ASXL2: variants seen among roughly 807,000 people sequenced by gnomAD.
The protein encoded by ASXL2 is putative Polycomb group protein ASXL2.
ASXL2 carries 23 observed loss-of-function variants against 122.0 expected under a neutral mutation model. The observed-to-expected ratio is 0.19, with a 90% CI of 0.14 to 0.27. The LOEUF (loss-of-function observed/expected upper bound fraction) is 0.27. ASXL2 is among the 10% of genes least tolerant of loss of function. The pLI, the probability that ASXL2 is intolerant of heterozygous loss-of-function variation, is 1.00. For synonymous variants in ASXL2, 650 were observed against 637.0 expected (o/e 1.02, Z -0.31); for missense variants, 1,518 against 1,713.8 (o/e 0.89, Z 2.02).
chr2:25,788,137 G>A (rs2088777497), intron 5 of ASXL2, among the ~76,000 whole-genome samples: 2 of 152,134 alleles, frequency 1.3e-5, no homozygotes, highest in Admixed American at 1.3e-4. Flanking sequence ...TCAAAAAAGG[G>A]TGCTAGGTAA....
At chr2:25,845,861 A>C (rs528066262) in intron 1 of ASXL2, among the ~76,000 whole-genome samples, 125 of 152,348 alleles carry the variant, frequency 8.2e-4, no homozygotes, top group Middle Eastern at 3.4e-3. Flanking sequence ...TAATAAAATT[A>C]AAGTAATATC....
chr2:25,841,658 C>T (rs2089580332), intron 2 of ASXL2, among the ~76,000 whole-genome samples: 1 of 151,938 alleles, frequency 6.6e-6, no homozygotes, highest in African/African-American at 2.4e-5. Flanking sequence ...ACCAGCCTGG[C>T]CAACTTGGTG....
chr2:25,744,096 A>C lies in ASXL2; in HGVS notation c.2241T>G (p.Gly747=). The change falls in exon 13 of 13, where the codon GGT becomes GGG. Residue 747 remains glycine, a synonymous_variant. Coordinates refer to ENST00000435504, the MANE Select transcript of ASXL2 (RefSeq NM_018263.6). The surrounding 1 kb of genome is among the most constrained non-coding windows in gnomAD (Gnocchi z 4.7). ...RGGTRELLPC[G]PETQPQSETK... ...TCTCAGACTGGGGCTGAGTCTCTGG[A>C]CCACAGGGTAAAAGCTCTCTCGTAC... The C allele has an allele frequency of 6.2e-7, 1 of 1,613,888 alleles. No individual in the cohort carries two copies. Among genetic ancestry groups the C allele is most frequent in the Non-Finnish European group, 8.5e-7 (1 of 1,179,836 alleles).
intron 4 of ASXL2, among the ~76,000 whole-genome samples, chr2:25,801,705 AC>A (rs1200861682): frequency 2.6e-5 from 4 of 151,940 alleles, no homozygotes; most frequent in African/African-American, 9.7e-5. Flanking sequence ...CCTTTTACCC[AC>A]TCCAAATGCT....
At chr2:25,793,051 G>C (rs1368575663) in intron 5 of ASXL2, among the ~76,000 whole-genome samples, 4 of 151,822 alleles carry the variant, frequency 2.6e-5, no homozygotes, top group Non-Finnish European at 5.9e-5. Flanking sequence ...CCAGGAGTTT[G>C]AGACCAGCCT....
At chr2:25,866,415 A>G (rs1384619766) in intron 1 of ASXL2, among the ~76,000 whole-genome samples, 1 of 152,236 alleles carries the variant, frequency 6.6e-6, no homozygotes, top group East Asian at 1.9e-4. Flanking sequence ...GGCATGAGCC[A>G]CTGCGCCTGA....
chr2:25,782,273 G>A (rs575254982), intron 5 of ASXL2, among the ~76,000 whole-genome samples: 4 of 152,068 alleles, frequency 2.6e-5, no homozygotes, highest in South Asian at 2.1e-4. Context: ...GGCCAGGCGC[G>A]GTGGCTCATG....
chr2:25,769,902 G>C (rs187723456), intron 6 of ASXL2, among the ~76,000 whole-genome samples: 1 of 152,286 alleles, frequency 6.6e-6, no homozygotes, highest in Admixed American at 6.5e-5. Flanking sequence ...CTCACTCTAA[G>C]TTGCCAATGC....
At chr2:25,823,395 T>C (rs1275633961) in intron 3 of ASXL2, among the ~76,000 whole-genome samples, 1 of 152,220 alleles carries the variant, frequency 6.6e-6, no homozygotes, top group Non-Finnish European at 1.5e-5. Context: ...ACCTTACTGG[T>C]AACCTGCTAT....
At chr2:25,797,113 C>G (rs994830822) in intron 5 of ASXL2, among the ~76,000 whole-genome samples, 1 of 152,148 alleles carries the variant, frequency 6.6e-6, no homozygotes, top group Non-Finnish European at 1.5e-5. Flanking sequence ...CATTTCTGAT[C>G]TGAGAAAGAA....
chr2:25,808,189 C>T (rs1574426993), intron 3 of ASXL2, among the ~76,000 whole-genome samples: 2 of 152,142 alleles, frequency 1.3e-5, no homozygotes, highest in East Asian at 1.9e-4. Flanking sequence ...AGGCCTAAAA[C>T]ATTCACAGTC....
chr2:25,783,178 C>G (rs959639679), intron 5 of ASXL2, among the ~76,000 whole-genome samples: 2 of 151,972 alleles, frequency 1.3e-5, no homozygotes, highest in African/African-American at 4.8e-5. Flanking sequence ...GATTGAATTT[C>G]TCTGAACATG....
chr2:25,865,607 A>T (rs1483855674), intron 1 of ASXL2, among the ~76,000 whole-genome samples: 4 of 123,678 alleles, frequency 3.2e-5, no homozygotes, highest in Admixed American at 7.8e-5. Flanking sequence ...CTCTACTAAA[A>T]ATACAAAAAA....
chr2:25,769,863 C>T (rs2088416196), intron 6 of ASXL2, among the ~76,000 whole-genome samples: 1 of 152,156 alleles, frequency 6.6e-6, no homozygotes, highest in Admixed American at 6.5e-5. Context: ...TCTGGCTATG[C>T]TATAGGCACA....
At chr2:25,831,872 A>C (rs1215021442) in intron 3 of ASXL2, among the ~76,000 whole-genome samples, 1 of 152,210 alleles carries the variant, frequency 6.6e-6, no homozygotes, top group Non-Finnish European at 1.5e-5. Context: ...TACTACAGGG[A>C]AACACCAATT....
chr2:25,827,490 A>G (rs1338482033), intron 3 of ASXL2, among the ~76,000 whole-genome samples: 1 of 152,134 alleles, frequency 6.6e-6, no homozygotes, highest in Admixed American at 6.5e-5. Context: ...TCAGTAAAAC[A>G]TTTTTCCTTC....
At chr2:25,829,085 A>G (rs1268462592) in intron 3 of ASXL2, among the ~76,000 whole-genome samples, 2 of 152,114 alleles carry the variant, frequency 1.3e-5, no homozygotes, top group Non-Finnish European at 2.9e-5. Flanking sequence ...CAGGCTTTTC[A>G]ATCTTATGAG....
At chr2:25,870,127 T>G (rs1264181000) in intron 1 of ASXL2, among the ~76,000 whole-genome samples, 2 of 152,132 alleles carry the variant, frequency 1.3e-5, no homozygotes, top group African/African-American at 4.8e-5. Context: ...CAAGCCACAG[T>G]TCACCATGGA....
At chr2:25,791,142 AAG>A (rs1646479701) in intron 5 of ASXL2, among the ~76,000 whole-genome samples, 1 of 151,844 alleles carries the variant, frequency 6.6e-6, no homozygotes, top group South Asian at 2.1e-4. Flanking sequence ...GAAAATTTGG[AAG>A]AGTCATCAGT....
Sources: gnomAD v4.1 joint callset for allele counts (sites outside exome capture counted in the v4.1 genomes callset) on GRCh38, gnomAD v4.1.1 for gene constraint, Gnocchi (gnomAD v3.1) non-coding constraint, MANE v1.5 for transcripts, NCBI Gene and HGNC (gene_info 2026-07-23, HGNC 2026-07-21) for gene names.